The following MARCHF3 variants were observed in gnomAD, a reference collection of about 807,000 sequenced individuals.
MARCHF3 encodes E3 ubiquitin-protein ligase MARCHF3.
In MARCHF3, 13 loss-of-function variants were observed where a neutral mutation model predicts 24.2. The ratio of observed to expected loss-of-function variants is 0.54; its 90% CI spans 0.35 to 0.85. The LOEUF is 0.85. Among genes scored for constraint, MARCHF3 ranks in the 40% least tolerant of loss-of-function variants. MARCHF3 has a pLI of 0.01. For synonymous variants in MARCHF3, 144 were observed against 137.3 expected, an observed-to-expected ratio of 1.05 and a Z score of -0.34; for missense variants, 276 against 325.0, an observed-to-expected ratio of 0.85 and a Z score of 1.16.
chr5:126,991,989 C>T (rs1328700593), intron 1 of MARCHF3, among the ~76,000 whole-genome samples: 1 of 152,166 alleles, frequency 6.6e-6, no homozygotes, highest in African/African-American at 2.4e-5. Context: ...GAACAATTCA[C>T]TTGGACCACA....
chr5:126,991,396 T>A (rs1422024403), intron 1 of MARCHF3, among the ~76,000 whole-genome samples: 1 of 151,932 alleles, frequency 6.6e-6, no homozygotes, highest in African/African-American at 2.4e-5. Context: ...CGGGGCCTGT[T>A]AGGGGGTGGG....
At chr5:126,927,801 GT>G (rs142877150) in intron 1 of MARCHF3, among the ~76,000 whole-genome samples, 8 of 150,958 alleles carry the variant, frequency 5.3e-5, no homozygotes, top group South Asian at 4.2e-4. Context: ...CTGTTTGTTT[GT>G]TTTTTTTTGT....
At chr5:126,963,313 T>C (rs1750704589) in intron 1 of MARCHF3, among the ~76,000 whole-genome samples, 1 of 152,160 alleles carries the variant, frequency 6.6e-6, no homozygotes, top group African/African-American at 2.4e-5. Context: ...AATTCTTCTT[T>C]AAAAGATAAA....
At position 126,918,059 on chromosome 5, in the gene MARCHF3, G is replaced by A. The variant is rs867410597; in HGVS notation, c.113C>T (p.Pro38Leu). ...EDCGSLVNGQ[P>L]QYVMQVSAKD... ...GGCTGAAACTTGCATGACATACTGCGGCTGCCCATTCACTAGGCTGCCACA... is the reference window on the plus strand; with the variant it reads ...GGCTGAAACTTGCATGACATACTGCAGCTGCCCATTCACTAGGCTGCCACA... Residue 38 changes from proline to leucine, a missense_variant, in exon 2 of 5, where the codon CCG becomes CTG. Coordinates refer to ENST00000308660, the MANE Select transcript of MARCHF3 (RefSeq NM_178450.5). 15 of 1,613,962 alleles carry A rather than the reference G, an allele frequency of 9.3e-6. No homozygotes were observed. Among genetic ancestry groups the A allele is most frequent in the African/African-American group, 2.7e-5 (2 of 74,874 alleles).
intron 2 of MARCHF3, among the ~76,000 whole-genome samples, chr5:126,917,441 G>A (rs1431479614): frequency 6.6e-6 from 1 of 152,120 alleles, no homozygotes; most frequent in Admixed American, 6.5e-5. Flanking sequence ...GAAGGGTCAG[G>A]GATGGGGGAC....
chr5:126,974,198 C>CA (rs1751118311), intron 1 of MARCHF3, among the ~76,000 whole-genome samples: 1 of 152,144 alleles, frequency 6.6e-6, no homozygotes, highest in South Asian at 2.1e-4. Flanking sequence ...CGCCCGGCCG[C>CA]AAAATCTATT....
At chr5:126,890,559 T>C (rs942838475) in intron 3 of MARCHF3, among the ~76,000 whole-genome samples, 90 of 151,734 alleles carry the variant, frequency 5.9e-4, no homozygotes, top group Middle Eastern at 3.4e-3. Flanking sequence ...GTTCTTGCGA[T>C]AGTTTACTGA....
chr5:126,907,754 TG>T (rs1754354774), intron 3 of MARCHF3, among the ~76,000 whole-genome samples: 1 of 148,706 alleles, frequency 6.7e-6, no homozygotes, highest in Admixed American at 6.7e-5. Context: ...AGCACACTGA[TG>T]GGTCTTGACT....
chr5:126,916,688 GACAGACACACAC>G (rs1013292645), intron 2 of MARCHF3, among the ~76,000 whole-genome samples: 7 of 76,442 alleles, frequency 9.2e-5, no homozygotes, highest in African/African-American at 3.1e-4. Flanking sequence ...CAGACAGACA[GACAGACACACAC>G]ACACACACAC....
chr5:126,946,255 A>C (rs73337233), intron 1 of MARCHF3: 14,648 of 151,254 alleles, frequency 0.097, 1,617 homozygotes, highest in African/African-American at 0.27. Flanking sequence ...GCTTGTCACC[A>C]CAGCTACTCA....
At chr5:127,005,142 T>C (rs7713933) in intron 1 of MARCHF3, among the ~76,000 whole-genome samples, 65,945 of 144,170 alleles carry the variant, frequency 0.46, 15,316 homozygotes, top group East Asian at 0.64. Flanking sequence ...TCTTTTTTTT[T>C]TTTTTTTTTT....
chr5:126,976,780 G>A (rs1035822670), intron 1 of MARCHF3, among the ~76,000 whole-genome samples: 8 of 152,196 alleles, frequency 5.3e-5, no homozygotes, highest in Non-Finnish European at 1.0e-4. Flanking sequence ...TCCTCGCCCC[G>A]ATCCTGGCAG....
intron 1 of MARCHF3, among the ~76,000 whole-genome samples, chr5:126,984,229 G>A (rs1342872870): frequency 1.3e-5 from 2 of 152,170 alleles, no homozygotes; most frequent in African/African-American, 4.8e-5. Flanking sequence ...GGACTGATGA[G>A]GAGGAAGGGG....
intron 3 of MARCHF3, among the ~76,000 whole-genome samples, chr5:126,908,157 C>G (rs572345787): frequency 6.6e-6 from 1 of 152,306 alleles, no homozygotes; most frequent in Non-Finnish European, 1.5e-5. Context: ...CCCCCACCCT[C>G]TTCTGGCTTG....
chr5:126,985,652 T>C (rs997094089), intron 1 of MARCHF3, among the ~76,000 whole-genome samples: 1 of 151,844 alleles, frequency 6.6e-6, no homozygotes, highest in Non-Finnish European at 1.5e-5. Flanking sequence ...TATTTTTTAT[T>C]TTTTAGTAGA....
At chr5:126,870,922 T>C in intron 4 of MARCHF3, 131 bp from the exon 5 acceptor site, 2 of 1,265,148 alleles carry the variant, frequency 1.6e-6, no homozygotes, top group Non-Finnish European at 2.2e-6. Flanking sequence ...GCAAGAACCC[T>C]GGGAAAATGG....
intron 1 of MARCHF3, among the ~76,000 whole-genome samples, chr5:126,989,497 C>T (rs577002695): frequency 6.6e-6 from 1 of 152,094 alleles, no homozygotes; most frequent in South Asian, 2.1e-4. Flanking sequence ...TTAGTTTCCC[C>T]TCCCCCTCCC....
At chr5:126,997,999 G>A (rs1007742606) in intron 1 of MARCHF3, among the ~76,000 whole-genome samples, 1 of 152,236 alleles carries the variant, frequency 6.6e-6, no homozygotes, top group African/African-American at 2.4e-5. Flanking sequence ...AAGAACAACT[G>A]AGGAAATATT....
intron 1 of MARCHF3, among the ~76,000 whole-genome samples, chr5:126,973,227 C>A (rs965531359): frequency 6.6e-6 from 1 of 152,230 alleles, no homozygotes; most frequent in African/African-American, 2.4e-5. Flanking sequence ...GAATTCCAAA[C>A]GCCCTTCTAA....
Sources: gnomAD v4.1 joint callset for allele counts (sites outside exome capture counted in the v4.1 genomes callset) on GRCh38, gnomAD v4.1.1 for gene constraint, MANE v1.5 for transcripts, NCBI Gene and HGNC (gene_info 2026-07-23, HGNC 2026-07-21) for gene names.